ASCC1: variants seen among roughly 807,000 people sequenced by gnomAD.
ASCC1 encodes activating signal cointegrator 1 complex subunit 1.
In ASCC1, 35 loss-of-function variants were observed where a neutral mutation model predicts 46.6. The ratio of observed to expected loss-of-function variants is 0.75; its 90% confidence interval spans 0.57 to 0.99. The LOEUF is 0.99. ASCC1 is among the 50% of genes least tolerant of loss of function. The pLI, the probability that ASCC1 is intolerant of heterozygous loss-of-function variation, is 0.00. For synonymous variants in ASCC1, 143 were observed against 146.6 expected (o/e 0.98, Z 0.18); for missense variants, 376 against 428.7 (o/e 0.88, Z 1.09).
intron 2 of ASCC1, 50 bp downstream of exon 2, chr10:72,213,137 A>G: frequency 7.7e-7 from 1 of 1,306,840 alleles, no homozygotes; most frequent in Non-Finnish European, 1.1e-6. Flanking sequence ...TGATCCTACA[A>G]TACACAGGAC....
intron 9 of ASCC1, among the ~76,000 whole-genome samples, chr10:72,107,214 C>T (rs1324649420): frequency 6.6e-6 from 1 of 151,504 alleles, no homozygotes; most frequent in Non-Finnish European, 1.5e-5. Context: ...CAAGGTTCTT[C>T]GTATGTCATG....
rs970289326 is a variant in ASCC1, at chr10:72,214,367, CTTTTTTTTTTTTTT to C, written c.-33-1050_-33-1037del. Among the ~76,000 whole-genome samples the C allele has an allele frequency of 1.4e-3, 124 of 88,468 alleles. 1 individual carries two copies. In the Middle Eastern group the frequency reaches 0.067, roughly 48 times the overall value. 58.0% of individuals were successfully genotyped at this position (88,468 alleles called of 152,430 possible). Reference sequence around the variant, plus strand: ...TTATCTAACCATTTGCACAATATCTCTTTTTTTTTTTTTTTTTTTTTTTTTGAGACGGTGTATTG... The same window carrying C: ...TTATCTAACCATTTGCACAATATCTCTTTTTTTTTTTGAGACGGTGTATTG... On this transcript the variant is annotated intron_variant, in intron 1 of 9. Transcript: ENST00000672957.
chr10:72,199,780 A>C (rs12264690), intron 4 of ASCC1, among the ~76,000 whole-genome samples: 20,996 of 151,886 alleles, frequency 0.14, 4,132 homozygotes, highest in African/African-American at 0.43. Context: ...GTCACCCAGG[A>C]GGGAGTGCAC....
intron 5 of ASCC1, among the ~76,000 whole-genome samples, chr10:72,171,815 G>A (rs1851124289): frequency 6.6e-6 from 1 of 152,220 alleles, no homozygotes; most frequent in Non-Finnish European, 1.5e-5. Flanking sequence ...TTGGGATTAT[G>A]ATGTGAATAT....
intron 4 of ASCC1, among the ~76,000 whole-genome samples, chr10:72,202,219 C>T (rs1313891930): frequency 2.0e-5 from 3 of 152,118 alleles, no homozygotes; most frequent in African/African-American, 7.2e-5. Context: ...GTAATCCCAG[C>T]ACTTTAGAAG....
At chr10:72,166,669 T>C (rs1352679651) in intron 5 of ASCC1, among the ~76,000 whole-genome samples, 1 of 151,896 alleles carries the variant, frequency 6.6e-6, no homozygotes, top group African/African-American at 2.4e-5. Context: ...AGAAAAATAT[T>C]TGGGAGAAAA....
At position 72,096,721 on chromosome 10, in the gene ASCC1, A is replaced by G. The variant is rs1456908388; in HGVS notation, c.*613T>C. ...CGCACATGTAACGGAACATTCCATT[A>G]TATGTATAATACAGGAAGGAAATCC... is the stretch of plus-strand genomic sequence containing the variant. On this transcript the variant is annotated 3_prime_UTR_variant, in exon 10 of 10. Transcript: ENST00000672957. The G allele has an allele frequency of 2.2e-6, 1 of 454,144 alleles. No individual in the cohort carries two copies. Among genetic ancestry groups the G allele is most frequent in the Non-Finnish European group, 4.4e-6 (1 of 226,798 alleles). The allele number at this position is 454,144 out of a possible 1,614,324, so 28.1% of individuals were successfully genotyped here.
chr10:72,168,449 A>G (rs1484319778), intron 5 of ASCC1, among the ~76,000 whole-genome samples: 1 of 152,242 alleles, frequency 6.6e-6, no homozygotes, highest in Non-Finnish European at 1.5e-5. Flanking sequence ...CTGTAGGGAC[A>G]CAGGCACTTT....
rs115977239 is a variant in ASCC1, at chr10:72,207,664, T to G, written c.212+3068A>C. ...AGAAGTTCCCCAGATGATTCTCCTGTGCACCTGAGGCTAAGAACCACAGCA... is the reference window on the plus strand; with the variant it reads ...AGAAGTTCCCCAGATGATTCTCCTGGGCACCTGAGGCTAAGAACCACAGCA... On this transcript the variant is annotated intron_variant, in intron 3 of 9. Coordinates refer to ENST00000672957, the MANE Select transcript of ASCC1 (RefSeq NM_001198800.3). Among the ~76,000 whole-genome samples, 655 of 152,242 alleles carry G rather than the reference T, an allele frequency of 4.3e-3. 10 individuals carry two copies. The highest frequency in any genetic ancestry group is 0.015 in the African/African-American group (624 of 41,552).
At chr10:72,216,720 A>G (rs745617793), upstream of ASCC1, 2 of 423,920 alleles carry the variant, frequency 4.7e-6, no homozygotes, top group South Asian at 1.7e-5. Context: ...CCTGCCGTAC[A>G]TGAAGTAAAT....
At position 72,107,313 on chromosome 10, in the gene ASCC1, A is replaced by C. The variant is rs546096526; in HGVS notation, c.958-9863T>G. On this transcript the variant is annotated intron_variant, in intron 9 of 9. Transcript: ENST00000672957. Reference sequence around the variant, plus strand: ...TTCACAAATAAGTTACCCCCCCCCCAAAAAAATAAATTTTGTTTCAAAGTT... The same window carrying C: ...TTCACAAATAAGTTACCCCCCCCCCCAAAAAATAAATTTTGTTTCAAAGTT... Among the ~76,000 whole-genome samples, 155 of 123,654 alleles carry C rather than the reference A, an allele frequency of 1.3e-3. 2 individuals are homozygous for C. In the East Asian group the frequency reaches 0.036, roughly 28 times the overall value. The allele number at this position is 123,654 out of a possible 152,430, so 81.1% of individuals were successfully genotyped here. A position where few individuals can be genotyped will look rare whatever the true frequency, so the allele number is the denominator to read the frequency against.
At chr10:72,098,928 C>A (rs925899211) in intron 9 of ASCC1, among the ~76,000 whole-genome samples, 8 of 152,206 alleles carry the variant, frequency 5.3e-5, no homozygotes, top group Non-Finnish European at 1.2e-4. Context: ...TGGTTATCTG[C>A]TAATCCCTTT....
intron 9 of ASCC1, among the ~76,000 whole-genome samples, chr10:72,118,635 CG>C (rs1298394388): frequency 2.0e-5 from 3 of 151,448 alleles, no homozygotes; most frequent in African/African-American, 7.3e-5. Flanking sequence ...CAAAATTAGC[CG>C]GTCATGGTGG....
chr10:72,110,467 C>T (rs2132007880), intron 9 of ASCC1, among the ~76,000 whole-genome samples: 1 of 152,338 alleles, frequency 6.6e-6, no homozygotes, highest in South Asian at 2.1e-4. Flanking sequence ...TCCAACTTCT[C>T]CACCAACAAG....
At chr10:72,184,721 G>A (rs986291469) in intron 5 of ASCC1, among the ~76,000 whole-genome samples, 1 of 151,746 alleles carries the variant, frequency 6.6e-6, no homozygotes, top group East Asian at 1.9e-4. Context: ...AAATCAGTAT[G>A]GATACAGAGG....
At chr10:72,184,861 T>G (rs1853223138) in intron 5 of ASCC1, among the ~76,000 whole-genome samples, 1 of 151,846 alleles carries the variant, frequency 6.6e-6, no homozygotes, top group Non-Finnish European at 1.5e-5. Flanking sequence ...TATCACGCAC[T>G]TTTTAAAAAA....
At position 72,151,989 on chromosome 10, in the gene ASCC1, AAT is replaced by A. The variant is rs1216588096; in HGVS notation, c.746+878_746+879del. On this transcript the variant is annotated intron_variant, in intron 7 of 9. Transcript: ENST00000672957. Reference sequence around the variant, plus strand: ...CAGGCGTGAGCCACCGCAACCGGCCAATATTTTTTTTTTTTTTTTTGAGACAG... The same window carrying A: ...CAGGCGTGAGCCACCGCAACCGGCCAATTTTTTTTTTTTTTTTTGAGACAG... Among the ~76,000 whole-genome samples, 13 of 85,976 alleles carry A rather than the reference AAT, an allele frequency of 1.5e-4. No homozygotes were observed. In the Admixed American group the frequency reaches 1.7e-3, roughly 11 times the overall value. The allele number at this position is 85,976 out of a possible 152,430, so 56.4% of individuals were successfully genotyped here.
At chr10:72,189,979 G>A (rs1939596387) in intron 5 of ASCC1, 1 of 755,484 alleles carries the variant, frequency 1.3e-6, no homozygotes, top group Non-Finnish European at 2.4e-6. Context: ...TACGGAGAAA[G>A]AAACAGTCTG....
chr10:72,201,854 A>AT lies in ASCC1; in HGVS notation c.310+1572dup, dbSNP rs374568011. Among the ~76,000 whole-genome samples, 406 of 151,922 alleles carry AT rather than the reference A, an allele frequency of 2.7e-3. 2 individuals carry two copies. The highest frequency in any genetic ancestry group is 8.9e-3 in the African/African-American group (367 of 41,450). On this transcript the variant is annotated intron_variant, in intron 4 of 9. Transcript: ENST00000672957. ...ATGCAAGGCTGAGATGAGAGGATTG[A>AT]TTGAGTCCAGGAGGTAGAGTCTACA...
Sources: allele counts gnomAD v4.1 joint callset (sites outside exome capture counted in the v4.1 genomes callset), GRCh38; gene constraint gnomAD v4.1.1; transcripts MANE v1.5; gene names NCBI Gene and HGNC (gene_info 2026-07-23, HGNC 2026-07-21).